RRAS2: variants seen among roughly 807,000 people sequenced by gnomAD.
The protein encoded by RRAS2 is RAS related 2.
In RRAS2, 7 loss-of-function variants were observed where a neutral mutation model predicts 27.6. The ratio of observed to expected loss-of-function variants is 0.25; its 90% CI spans 0.14 to 0.48. The LOEUF is 0.48. Ranked by LOEUF, RRAS2 falls within the 20% of genes least tolerant of loss-of-function variation. The pLI, the probability that RRAS2 is intolerant of heterozygous loss-of-function variation, is 0.99. For missense variants in RRAS2, 178 were observed against 256.2 expected (o/e 0.69, Z 2.08); for synonymous variants, 86 against 90.9 (o/e 0.95, Z 0.31).
chr11:14,291,687 T>G (rs1564956595), intron 4 of RRAS2, among the ~76,000 whole-genome samples: 1 of 143,804 alleles, frequency 7.0e-6, no homozygotes, highest in African/African-American at 2.5e-5. Flanking sequence ...TTACAAAAAG[T>G]AAAAAAAAAA....
chr11:14,363,373 C>G (rs1204820765), upstream of RRAS2, among the ~76,000 whole-genome samples: 4 of 152,144 alleles, frequency 2.6e-5, no homozygotes, highest in Non-Finnish European at 2.9e-5. Context: ...TAAAAGGCAG[C>G]CTGTAGTGTC....
chr11:14,280,123 G>A (rs1013040487), intron 5 of RRAS2, among the ~76,000 whole-genome samples: 8 of 152,064 alleles, frequency 5.3e-5, no homozygotes, highest in Admixed American at 2.6e-4. Context: ...AACTGGAATG[G>A]GAAAGGGGGG....
At position 14,359,047 on chromosome 11, in the gene RRAS2, C is replaced by A. The variant is rs189969382; in HGVS notation, c.-177G>T. 1.6e-3 allele frequency: 1,833 copies of A among 1,111,310 alleles called. 2 individuals carry two copies. The highest frequency in any genetic ancestry group is 4.7e-3 in the Middle Eastern group (12 of 2,576). The allele number at this position is 1,111,310 out of a possible 1,614,324, so 68.8% of individuals were successfully genotyped here. ...GCGGTAGCGCGGCGCTGGGGACTGG[C>A]TGGGTACCGCCCGAGGCGCGGAGAA... On this transcript the variant is annotated 5_prime_UTR_variant, in exon 1 of 6. Coordinates refer to ENST00000256196, the MANE Select transcript of RRAS2 (RefSeq NM_012250.6).
chr11:14,310,286 T>A (rs1205026789), intron 1 of RRAS2, among the ~76,000 whole-genome samples: 1 of 152,162 alleles, frequency 6.6e-6, no homozygotes, highest in African/African-American at 2.4e-5. Context: ...CCTACAGAAA[T>A]GAGTCTGGGA....
intron 1 of RRAS2, among the ~76,000 whole-genome samples, chr11:14,330,636 T>G (rs1290236374): frequency 6.6e-6 from 1 of 150,854 alleles, no homozygotes; most frequent in African/African-American, 2.4e-5. Flanking sequence ...GGCATTATGA[T>G]GACATGTAGT....
intron 1 of RRAS2, among the ~76,000 whole-genome samples, chr11:14,325,470 T>C (rs554718839): frequency 1.7e-3 from 259 of 152,210 alleles, no homozygotes; most frequent in Non-Finnish European, 2.7e-3. Context: ...CGCCTGGCTT[T>C]TTGTATTTTT....
chr11:14,315,094 A>C (rs971875239), intron 1 of RRAS2, among the ~76,000 whole-genome samples: 2 of 152,198 alleles, frequency 1.3e-5, no homozygotes, highest in South Asian at 4.1e-4. Context: ...CTACTATTTA[A>C]ATGTTTATTC....
At chr11:14,313,585 C>T (rs1184007687) in intron 1 of RRAS2, among the ~76,000 whole-genome samples, 1 of 152,106 alleles carries the variant, frequency 6.6e-6, no homozygotes, top group Non-Finnish European at 1.5e-5. Flanking sequence ...CTAAATCCAA[C>T]CACTGTTGTC....
rs1010936991 is a variant in RRAS2, at chr11:14,353,779, A to G, written c.108+4984T>C. Among the ~76,000 whole-genome samples, 5 of 152,300 alleles carry G rather than the reference A, an allele frequency of 3.3e-5. No homozygotes were observed. In the East Asian group the frequency reaches 9.6e-4, roughly 29 times the overall value. On this transcript the variant is annotated intron_variant, in intron 1 of 5. Coordinates refer to ENST00000256196, the MANE Select transcript of RRAS2 (RefSeq NM_012250.6). ...ATTTCCTTCTTCTCCAAAGGCAGTC[A>G]TCCTCTATAAGAAAATGTTCTTCCT...
At chr11:14,320,145 T>C (rs1403872756) in intron 1 of RRAS2, among the ~76,000 whole-genome samples, 6 of 151,786 alleles carry the variant, frequency 4.0e-5, no homozygotes, top group African/African-American at 1.5e-4. Flanking sequence ...TCATTTGAGG[T>C]CACTTTACCT....
At chr11:14,310,366 T>G (rs1370766204) in intron 1 of RRAS2, among the ~76,000 whole-genome samples, 1 of 152,124 alleles carries the variant, frequency 6.6e-6, no homozygotes, top group Non-Finnish European at 1.5e-5. Context: ...ACAAGACGAA[T>G]CAGACAGAGA....
intron 1 of RRAS2, among the ~76,000 whole-genome samples, chr11:14,298,748 A>G (rs1847624311): frequency 6.6e-6 from 1 of 151,090 alleles, no homozygotes; most frequent in South Asian, 2.1e-4. Context: ...TCCTCCTCCA[A>G]CGAAACATCA....
At chr11:14,362,178 A>G (rs554953739), upstream of RRAS2, among the ~76,000 whole-genome samples, 1 of 152,290 alleles carries the variant, frequency 6.6e-6, no homozygotes, top group South Asian at 2.1e-4. Flanking sequence ...AAATATACTA[A>G]AAACATTGGA....
At chr11:14,315,821 T>C (rs1393334237) in intron 1 of RRAS2, among the ~76,000 whole-genome samples, 1 of 152,192 alleles carries the variant, frequency 6.6e-6, no homozygotes, top group East Asian at 1.9e-4. Context: ...TGTAAAAGCT[T>C]AAATTTAATT....
chr11:14,289,973 G>C (rs1780011482), intron 4 of RRAS2, among the ~76,000 whole-genome samples: 1 of 152,150 alleles, frequency 6.6e-6, no homozygotes, highest in South Asian at 2.1e-4. Flanking sequence ...AGCTGTGTCG[G>C]CAACAGAGAG....
At chr11:14,290,969 G>C (rs565510216) in intron 4 of RRAS2, among the ~76,000 whole-genome samples, 4 of 152,204 alleles carry the variant, frequency 2.6e-5, no homozygotes, top group African/African-American at 7.2e-5. Context: ...ATCTGAAATA[G>C]AACAATTGCT....
chr11:14,333,757 CCT>C (rs1848531559), intron 1 of RRAS2, among the ~76,000 whole-genome samples: 1 of 149,108 alleles, frequency 6.7e-6, no homozygotes, highest in East Asian at 2.1e-4. Context: ...GATCCTTTAA[CCT>C]CTGTTTCCCA....
intron 1 of RRAS2, among the ~76,000 whole-genome samples, chr11:14,326,210 G>A (rs1554950977): frequency 6.6e-6 from 1 of 152,186 alleles, no homozygotes; most frequent in African/African-American, 2.4e-5. Context: ...CTCAGGGCAT[G>A]TACCTAATGC....
At chr11:14,297,424 C>A (rs1261128826) in intron 1 of RRAS2, among the ~76,000 whole-genome samples, 3 of 152,158 alleles carry the variant, frequency 2.0e-5, no homozygotes, top group African/African-American at 7.2e-5. Flanking sequence ...CTGCCTGATA[C>A]CATGACTTTA....
Sources: gnomAD v4.1 joint callset for allele counts (sites outside exome capture counted in the v4.1 genomes callset) on GRCh38, gnomAD v4.1.1 for gene constraint, MANE v1.5 for transcripts, NCBI Gene and HGNC (gene_info 2026-07-23, HGNC 2026-07-21) for gene names.